Variants in NCKAP5 observed in about 807,000 individuals in gnomAD.
NCKAP5 encodes NCK associated protein 5, also known as nck-associated protein 5.
NCKAP5 carries 92 observed loss-of-function variants against 167.0 expected under a neutral mutation model. The observed-to-expected ratio is 0.55, with a 90% CI of 0.47 to 0.66. The LOEUF (loss-of-function observed/expected upper bound fraction) is 0.66, where lower values mean the gene tolerates loss of function less well. Among genes scored for constraint, NCKAP5 ranks in the 30% least tolerant of loss-of-function variants. NCKAP5 has a pLI of 0.00. For missense variants in NCKAP5, 2,378 were observed against 2,315.0 expected (o/e 1.03, Z -0.56); for synonymous variants, 891 against 877.4 (o/e 1.02, Z -0.27).
the NCKAP5 span, among the ~76,000 whole-genome samples, chr2:133,590,893 G>A: frequency 1.2e-5 from 1 of 82,208 alleles, no homozygotes; most frequent in East Asian, 1.9e-3. Context: ...AGAGTATGCT[G>A]TCTGTGTGTG....
chr2:132,703,918 AT>A (rs1688109106), intron 19 of NCKAP5, among the ~76,000 whole-genome samples: 1 of 152,092 alleles, frequency 6.6e-6, no homozygotes. Context: ...CCTGGCCCTT[AT>A]TTGTACATCT....
At chr2:132,678,284 T>C (rs1054472276) in intron 19 of NCKAP5, among the ~76,000 whole-genome samples, 1 of 152,212 alleles carries the variant, frequency 6.6e-6, no homozygotes, top group Non-Finnish European at 1.5e-5. Flanking sequence ...GTGCAATCAA[T>C]TATTGTTCTA....
At position 133,312,150 on chromosome 2, in the gene NCKAP5, C is replaced by G. The variant is rs373246217; in HGVS notation, c.70-9040G>C. Reference sequence around the variant, plus strand: ...CAAACTGCACAGAGTGAAAACATCTCTTTATAACCTCTGTCATATATGGAA... The same window carrying G: ...CAAACTGCACAGAGTGAAAACATCTGTTTATAACCTCTGTCATATATGGAA... On this transcript the variant is annotated intron_variant, in intron 3 of 19. Transcript: ENST00000409261. Among the ~76,000 whole-genome samples, 12 of 152,278 alleles carry G rather than the reference C, an allele frequency of 7.9e-5. No homozygotes were observed. In the East Asian group the frequency reaches 1.4e-3, roughly 17 times the overall value.
chr2:132,731,125 C>T (rs933923105), intron 17 of NCKAP5, among the ~76,000 whole-genome samples: 1 of 152,186 alleles, frequency 6.6e-6, no homozygotes, highest in African/African-American at 2.4e-5. Flanking sequence ...CTGCAATACA[C>T]ATTTTTAATC....
intron 3 of NCKAP5, among the ~76,000 whole-genome samples, chr2:133,356,298 T>C (rs1684712718): frequency 6.6e-6 from 1 of 152,174 alleles, no homozygotes; most frequent in Non-Finnish European, 1.5e-5. Flanking sequence ...CTCTCAGGGG[T>C]ACTGTGCAAC....
At chr2:132,992,382 A>G (rs527388921) in intron 7 of NCKAP5, among the ~76,000 whole-genome samples, 1 of 152,342 alleles carries the variant, frequency 6.6e-6, no homozygotes, top group Admixed American at 6.5e-5. Context: ...AGATGTGGCT[A>G]ATAATTGTTT....
chr2:133,027,082 G>T (rs2078722927), intron 6 of NCKAP5, among the ~76,000 whole-genome samples: 1 of 152,154 alleles, frequency 6.6e-6, no homozygotes, highest in South Asian at 2.1e-4. Flanking sequence ...AAGACATTCT[G>T]CAACTGGCTA....
At chr2:133,641,086 G>A in the NCKAP5 span, among the ~76,000 whole-genome samples, 700 of 152,290 alleles carry the variant, frequency 4.6e-3, 3 homozygotes, top group African/African-American at 0.016. Context: ...TCAAATAGAA[G>A]CTCTTTGGAG....
chr2:133,124,498 T>TGC (rs2082341716), intron 6 of NCKAP5, among the ~76,000 whole-genome samples: 1 of 152,216 alleles, frequency 6.6e-6, no homozygotes, highest in African/African-American at 2.4e-5. Flanking sequence ...TGTGTAGTAT[T>TGC]ACTGTTGTCA....
At chr2:132,751,060 T>A (rs1294840362) in intron 16 of NCKAP5, among the ~76,000 whole-genome samples, 1 of 151,916 alleles carries the variant, frequency 6.6e-6, no homozygotes, top group African/African-American at 2.4e-5. Context: ...TCAGAAGAAG[T>A]CCTCTTAGCT....
chr2:132,683,955 G>C (rs975128194), intron 19 of NCKAP5, among the ~76,000 whole-genome samples: 1 of 152,148 alleles, frequency 6.6e-6, no homozygotes, highest in African/African-American at 2.4e-5. Context: ...TATAGCTGTC[G>C]TAGTACAAAA....
At chr2:133,521,785 G>T (rs1039681007) in intron 2 of NCKAP5, among the ~76,000 whole-genome samples, 4 of 152,132 alleles carry the variant, frequency 2.6e-5, no homozygotes, top group Non-Finnish European at 4.4e-5. Context: ...GGGAGTTAGG[G>T]GTTCAACATA....
intron 3 of NCKAP5, among the ~76,000 whole-genome samples, chr2:133,396,356 C>T (rs1012726172): frequency 3.9e-5 from 6 of 152,062 alleles, no homozygotes; most frequent in Non-Finnish European, 7.4e-5. Context: ...GAACTCAGCT[C>T]GTTTTCACCA....
intron 3 of NCKAP5, among the ~76,000 whole-genome samples, chr2:133,360,962 A>C (rs1685063693): frequency 6.6e-6 from 1 of 151,400 alleles, no homozygotes; most frequent in African/African-American, 2.4e-5. Flanking sequence ...AAGTACTAGC[A>C]TATAGGGAAG....
intron 5 of NCKAP5, among the ~76,000 whole-genome samples, chr2:133,140,238 T>C (rs1327520232): frequency 6.6e-6 from 1 of 152,220 alleles, no homozygotes; most frequent in African/African-American, 2.4e-5. Context: ...GTGGAGACAG[T>C]ATATTCTATG....
intron 8 of NCKAP5, among the ~76,000 whole-genome samples, chr2:132,925,561 CAAAA>C: frequency 1.9e-5 from 1 of 53,588 alleles, no homozygotes; most frequent in East Asian, 4.5e-4. Flanking sequence ...GACTCCGTCT[CAAAA>C]AAAAAAAAAA....
chr2:133,448,536 T>A (rs1691352620), intron 3 of NCKAP5, among the ~76,000 whole-genome samples: 1 of 152,216 alleles, frequency 6.6e-6, no homozygotes, highest in Non-Finnish European at 1.5e-5. Context: ...TTTCCCCAAA[T>A]GCTGCAAATT....
At chr2:133,137,317 A>G (rs1012277941) in intron 5 of NCKAP5, among the ~76,000 whole-genome samples, 10 of 152,270 alleles carry the variant, frequency 6.6e-5, no homozygotes, top group Admixed American at 5.9e-4. Context: ...AAGGATAGAA[A>G]CAGCCAAGTA....
At chr2:133,235,009 C>T (rs1426950366) in intron 4 of NCKAP5, among the ~76,000 whole-genome samples, 2 of 149,800 alleles carry the variant, frequency 1.3e-5, no homozygotes, top group African/African-American at 4.9e-5. Context: ...CCCCATCCAA[C>T]TCAGTACATC....
Sources: gnomAD v4.1 joint callset for allele counts (sites outside exome capture counted in the v4.1 genomes callset) on GRCh38, gnomAD v4.1.1 for gene constraint, MANE v1.5 for transcripts, NCBI Gene and HGNC (gene_info 2026-07-23, HGNC 2026-07-21) for gene names.